TMEM123: variants seen among roughly 807,000 people sequenced by gnomAD.
The protein encoded by TMEM123 is porimin.
TMEM123 carries 16 observed loss-of-function variants against 19.7 expected under a neutral mutation model. That is an observed-to-expected ratio of 0.81 (90% CI 0.55 to 1.23). The LOEUF (loss-of-function observed/expected upper bound fraction) is 1.23, where lower values mean the gene tolerates loss of function less well. Among genes scored for constraint, TMEM123 ranks in the 50% most tolerant of loss-of-function variants. TMEM123 has a pLI of 0.00. For missense variants in TMEM123, 313 were observed against 257.8 expected (o/e 1.21, Z -1.47); for synonymous variants, 118 against 99.4 (o/e 1.19, Z -1.12).
intron 2 of TMEM123, among the ~76,000 whole-genome samples, chr11:102,410,895 C>T (rs1008403255): frequency 1.3e-5 from 2 of 152,126 alleles, no homozygotes; most frequent in African/African-American, 2.4e-5. Flanking sequence ...TCCTTTCTAT[C>T]GAACACCTAC....
chr11:102,424,376 C>T (rs1952109097), intron 2 of TMEM123, among the ~76,000 whole-genome samples: 1 of 152,110 alleles, frequency 6.6e-6, no homozygotes, highest in Admixed American at 6.5e-5. Flanking sequence ...CACTTACTGC[C>T]ATTTTACAGA....
chr11:102,397,412 T>C lies in TMEM123; in HGVS notation c.*1455A>G, dbSNP rs1163187593. On this transcript the variant is annotated 3_prime_UTR_variant, in exon 5 of 5. Transcript: ENST00000398136. Reference sequence around the variant, plus strand: ...GCCCTCTGAGATAGAAATGCCATCTTAGTATTTACTGTGACTACATACCTC... The same window carrying C: ...GCCCTCTGAGATAGAAATGCCATCTCAGTATTTACTGTGACTACATACCTC... 6.6e-6 allele frequency: 1 copy of C among 152,204 alleles called. No individual in the cohort carries two copies. 9.4% of individuals were successfully genotyped at this position (152,204 alleles called of 1,614,324 possible).
chr11:102,451,855 CTG>C (rs1857943074), intron 1 of TMEM123, among the ~76,000 whole-genome samples: 1 of 152,246 alleles, frequency 6.6e-6, no homozygotes, highest in Non-Finnish European at 1.5e-5. Context: ...GCCCTTAACG[CTG>C]CGCAGCTGCC....
At chr11:102,420,622 T>C (rs1398779098) in intron 2 of TMEM123, among the ~76,000 whole-genome samples, 1 of 152,198 alleles carries the variant, frequency 6.6e-6, no homozygotes, top group Non-Finnish European at 1.5e-5. Context: ...TTCCTCAGGT[T>C]GGCTAAGGAG....
intron 2 of TMEM123, among the ~76,000 whole-genome samples, chr11:102,433,428 T>C (rs1490227807): frequency 6.6e-6 from 1 of 151,994 alleles, no homozygotes; most frequent in Non-Finnish European, 1.5e-5. Flanking sequence ...TCCTTTGTTC[T>C]GGCCAATTTA....
At chr11:102,401,151 G>A (rs1280934750) in intron 4 of TMEM123, among the ~76,000 whole-genome samples, 1 of 152,088 alleles carries the variant, frequency 6.6e-6, no homozygotes. Context: ...GAAAACAAAA[G>A]CCATGGTTTT....
At chr11:102,449,518 T>C (rs989261800) in intron 1 of TMEM123, 1 of 149,346 alleles carries the variant, frequency 6.7e-6, no homozygotes, top group African/African-American at 2.5e-5. Flanking sequence ...TGTATTATTG[T>C]GTCCTTTTCA....
chr11:102,433,268 G>A lies in TMEM123; in HGVS notation c.157+15544C>T, dbSNP rs1857731358. Among the ~76,000 whole-genome samples the A allele has an allele frequency of 1.3e-5, 2 of 152,024 alleles. 1 individual carries two copies. The highest frequency in any genetic ancestry group is 2.9e-5 in the Non-Finnish European group (2 of 67,924). On this transcript the variant is annotated intron_variant, in intron 2 of 4. Transcript: ENST00000398136. ...TGGGAAGGGGGCTGTACTCTGCAAA[G>A]CCACAGGGGTGGAGCTGCTCAAGGA...
intron 2 of TMEM123, among the ~76,000 whole-genome samples, chr11:102,414,949 G>A (rs1052920430): frequency 2.0e-5 from 3 of 152,170 alleles, no homozygotes; most frequent in African/African-American, 4.8e-5. Flanking sequence ...AGCTTCAAGA[G>A]ACCAGTCTCA....
chr11:102,403,615 T>C (rs1361225934), intron 2 of TMEM123, among the ~76,000 whole-genome samples: 6 of 152,230 alleles, frequency 3.9e-5, no homozygotes, highest in Non-Finnish European at 5.9e-5. Context: ...CTATGTTGCC[T>C]ACTGCTATGG....
At chr11:102,451,610 A>G (rs1218389426) in intron 1 of TMEM123, among the ~76,000 whole-genome samples, 1 of 152,242 alleles carries the variant, frequency 6.6e-6, no homozygotes, top group Non-Finnish European at 1.5e-5. Flanking sequence ...AACTTATCCT[A>G]GTTTACTGAC....
chr11:102,444,427 C>A (rs1857860504), intron 2 of TMEM123, among the ~76,000 whole-genome samples: 1 of 151,590 alleles, frequency 6.6e-6, no homozygotes, highest in Non-Finnish European at 1.5e-5. Flanking sequence ...CCATCATTCT[C>A]AGCAAACTAC....
At chr11:102,448,224 C>T (rs1461277017) in intron 2 of TMEM123, 8 of 455,886 alleles carry the variant, frequency 1.8e-5, no homozygotes, top group Non-Finnish European at 3.5e-5. Context: ...AAATTGTTTA[C>T]AAGAAACGTA....
intron 2 of TMEM123, among the ~76,000 whole-genome samples, chr11:102,423,006 A>ACCTAC (rs1451005163): frequency 6.6e-6 from 1 of 152,144 alleles, no homozygotes; most frequent in East Asian, 1.9e-4. Flanking sequence ...AGAACCCAAC[A>ACCTAC]CCTACTGACT....
chr11:102,408,860 C>T (rs781723080), intron 2 of TMEM123, among the ~76,000 whole-genome samples: 1 of 152,134 alleles, frequency 6.6e-6, no homozygotes, highest in South Asian at 2.1e-4. Context: ...TCTGTTAATA[C>T]CAGACAGCCA....
At chr11:102,420,855 C>T (rs1293168865) in intron 2 of TMEM123, among the ~76,000 whole-genome samples, 1 of 152,156 alleles carries the variant, frequency 6.6e-6, no homozygotes, top group African/African-American at 2.4e-5. Context: ...CAAAACCAGC[C>T]TGGCCAACAT....
intron 2 of TMEM123, among the ~76,000 whole-genome samples, chr11:102,436,114 G>A (rs1049966561): frequency 3.3e-5 from 5 of 151,722 alleles, no homozygotes; most frequent in African/African-American, 9.7e-5. Flanking sequence ...AAGACAAAAC[G>A]AAGAAACCAA....
intron 2 of TMEM123, among the ~76,000 whole-genome samples, chr11:102,424,741 G>C (rs1211693768): frequency 6.6e-6 from 1 of 152,012 alleles, no homozygotes; most frequent in East Asian, 1.9e-4. Context: ...AGAAGACCCT[G>C]AGTTTCATTC....
rs144284744 is a variant in TMEM123 at position 102,446,429 on chromosome 11, T to C, written c.157+2383A>G. On this transcript the variant is annotated intron_variant, in intron 2 of 4. Transcript: ENST00000398136. ...CAGTGGTACATTGGAAAGCAACCTT[T>C]ATTCCTATTGACTTCAAGTACCTAT... is the stretch of plus-strand genomic sequence containing the variant. Among the ~76,000 whole-genome samples, 361 of 152,350 alleles carry C rather than the reference T, an allele frequency of 2.4e-3. 11 individuals carry two copies. The East Asian group carries it at 0.059, about 25-fold the overall frequency.
Sources: gnomAD v4.1 joint callset for allele counts (sites outside exome capture counted in the v4.1 genomes callset) on GRCh38, gnomAD v4.1.1 for gene constraint, MANE v1.5 for transcripts, NCBI Gene and HGNC (gene_info 2026-07-23, HGNC 2026-07-21) for gene names.